The following PNLDC1 variants were observed in gnomAD, a reference collection of about 807,000 sequenced individuals.
PNLDC1 encodes PARN like ribonuclease domain containing exonuclease 1.
In PNLDC1, 70 loss-of-function variants were observed where a neutral mutation model predicts 82.0. The ratio of observed to expected loss-of-function variants is 0.85; its 90% CI spans 0.70 to 1.04. The LOEUF is 1.04. Among genes scored for constraint, PNLDC1 ranks in the 50% least tolerant of loss-of-function variants. PNLDC1 has a pLI of 0.00. For missense variants in PNLDC1, 631 were observed against 661.1 expected (o/e 0.95, Z 0.50); for synonymous variants, 280 against 249.3 (o/e 1.12, Z -1.16).
chr6:159,813,723 C>T, intron 12 of PNLDC1, 67 bp downstream of exon 12: 1 of 1,433,714 alleles, frequency 7.0e-7, no homozygotes, highest in South Asian at 1.1e-5. Flanking sequence ...CTCCGCAGGC[C>T]TTTGGGCTCT....
At position 159,810,997 on chromosome 6, in the gene PNLDC1, C is replaced by T. The variant is rs111907888; in HGVS notation, c.854-704C>T. The stretch of plus-strand genomic sequence containing the variant: ...CCACCACAGAGCCTTTTGTGAATGA[C>T]GCGCGTGGGGCGATACGGGCATGTG... On this transcript the variant is annotated intron_variant, in intron 10 of 18. Transcript: ENST00000392167. 7.2e-5 allele frequency among the ~76,000 whole-genome samples: 11 copies of T among 152,228 alleles called. No individual in the cohort carries two copies. The East Asian group carries it at 1.2e-3, about 16-fold the overall frequency.
chr6:159,813,052 CAG>C (rs1365016318), intron 11 of PNLDC1, among the ~76,000 whole-genome samples: 13 of 152,062 alleles, frequency 8.5e-5, no homozygotes, highest in Admixed American at 1.3e-4. Flanking sequence ...AACTGAAGAA[CAG>C]AGAAGGGGGC....
intron 12 of PNLDC1, among the ~76,000 whole-genome samples, chr6:159,814,773 C>T (rs932412138): frequency 6.6e-6 from 1 of 152,150 alleles, no homozygotes; most frequent in African/African-American, 2.4e-5. Flanking sequence ...CTCTGTGCCT[C>T]AGTTTAACTA....
At chr6:159,808,229 C>T (rs529522368) in intron 7 of PNLDC1, among the ~76,000 whole-genome samples, 1 of 152,272 alleles carries the variant, frequency 6.6e-6, no homozygotes, top group South Asian at 2.1e-4. Flanking sequence ...GCTGGATTTT[C>T]TTATGTTTCA....
At chr6:159,805,250 T>G (rs1334160978) in intron 6 of PNLDC1, among the ~76,000 whole-genome samples, 1 of 152,142 alleles carries the variant, frequency 6.6e-6, no homozygotes, top group Non-Finnish European at 1.5e-5. Flanking sequence ...AACAGCATTG[T>G]GGGTAGACGG....
rs1019206853 is a variant in PNLDC1, at chr6:159,805,980, C to T, written c.462-3C>T. 34 of 1,613,184 alleles carry T rather than the reference C, an allele frequency of 2.1e-5. No homozygotes were observed. Among genetic ancestry groups the T allele is most frequent in the Non-Finnish European group, 4.2e-6 (5 of 1,179,214 alleles). Reference sequence around the variant, plus strand: ...ATGTTCACTTTCATGCGCCCATTTTCAGCTCTCCGGATAAAGACCAAATCA... The same window carrying T: ...ATGTTCACTTTCATGCGCCCATTTTTAGCTCTCCGGATAAAGACCAAATCA... On this transcript the variant is annotated splice_region_variant and splice_polypyrimidine_tract_variant and intron_variant, in intron 6 of 18. Coordinates refer to ENST00000392167, the MANE Select transcript of PNLDC1 (RefSeq NM_001271862.2).
Position 159,818,655 on chromosome 6 carries a change from G to GT in PNLDC1, c.1257+2dup, listed in dbSNP as rs1185000604. The GT allele has an allele frequency of 6.2e-7, 1 of 1,612,132 alleles. No homozygotes were observed. Among genetic ancestry groups the GT allele is most frequent in the African/African-American group, 1.3e-5 (1 of 74,862 alleles). Reference sequence around the variant, plus strand: ...CATCCGAGCGGGGGTCCCAAAGATCGTGAGTAGATCTCATTTGGCCCCCTC... The same window carrying GT: ...CATCCGAGCGGGGGTCCCAAAGATCGTTGAGTAGATCTCATTTGGCCCCCTC... On this transcript the variant is annotated splice_donor_variant, in intron 16 of 18. Transcript: ENST00000392167. LOFTEE classifies it high-confidence loss of function.
chr6:159,803,193 T>G (rs1781325083), intron 3 of PNLDC1, 78 bp from the exon 4 acceptor site: 1 of 1,374,462 alleles, frequency 7.3e-7, no homozygotes, highest in Non-Finnish European at 1.0e-6. Flanking sequence ...AAAGTACTGT[T>G]TGAGTTGTTT....
intron 6 of PNLDC1, among the ~76,000 whole-genome samples, chr6:159,805,426 T>C (rs747428432): frequency 4.6e-5 from 7 of 152,256 alleles, no homozygotes; most frequent in Non-Finnish European, 8.8e-5. Flanking sequence ...TCTGTTATGT[T>C]GGAGGAATTT....
upstream of PNLDC1, chr6:159,800,116 G>A (rs1452210830): frequency 1.5e-5 from 8 of 529,348 alleles, no homozygotes; most frequent in Admixed American, 1.6e-4. Flanking sequence ...GTAGCAAATC[G>A]TACAATTAAA....
At position 159,800,752 on chromosome 6, in the gene PNLDC1, A is replaced by AT; in HGVS notation, c.77-14dup. On this transcript the variant is annotated intron_variant, in intron 1 of 18. Transcript: ENST00000392167. ...CGATGTTCTGCACCCGAGGACTGCT[A>AT]TTTTTTGCCTTCCTGGCAGGTCTGG... The AT allele has an allele frequency of 6.2e-7, 1 of 1,614,038 alleles. No individual in the cohort carries two copies. Among genetic ancestry groups the AT allele is most frequent in the Non-Finnish European group, 8.5e-7 (1 of 1,180,010 alleles).
intron 3 of PNLDC1, 81 bp from the exon 4 acceptor site, chr6:159,803,190 T>C (rs1781324896): frequency 2.2e-6 from 3 of 1,341,048 alleles, no homozygotes; most frequent in Admixed American, 1.7e-5. Flanking sequence ...CGCAAAGTAC[T>C]GTTTGAGTTG....
chr6:159,812,876 A>G (rs560225379), intron 11 of PNLDC1, among the ~76,000 whole-genome samples: 101 of 152,238 alleles, frequency 6.6e-4, no homozygotes, highest in African/African-American at 2.4e-3. Context: ...TACAAAAATT[A>G]CCTGGGCATG....
chr6:159,816,551 A>T lies in PNLDC1; in HGVS notation c.1069A>T (p.Lys357Ter), dbSNP rs748114012. 1.2e-4 allele frequency: 192 copies of T among 1,613,668 alleles called. No individual in the cohort carries two copies. The highest frequency in any genetic ancestry group is 1.6e-4 in the Non-Finnish European group (190 of 1,179,936). Residue 357 changes from lysine (K) to a stop codon, truncating the protein, a stop_gained, in exon 14 of 19, where the codon AAG becomes TAG. Transcript: ENST00000392167. LOFTEE classifies it high-confidence loss of function. ...GGTGGAAAATGCCTCAGTTGAGACA[A>T]AGTGCCCCCACGAAGCCGCGTATGA... ...ASRCEKYVETKCPHEAAYDAF... is the reference protein window; with the variant it reads ...ASRCEKYVET
At chr6:159,820,112 C>T (rs768120698) in intron 18 of PNLDC1, among the ~76,000 whole-genome samples, 1 of 152,106 alleles carries the variant, frequency 6.6e-6, no homozygotes, top group African/African-American at 2.4e-5. Context: ...GGATCAAGTA[C>T]GAATCCAGGG....
At chr6:159,807,398 G>GAA (rs34179367) in intron 7 of PNLDC1, among the ~76,000 whole-genome samples, 17 of 148,130 alleles carry the variant, frequency 1.1e-4, no homozygotes, top group Admixed American at 2.0e-4. Flanking sequence ...TGTTTCAAAG[G>GAA]AAAAAAAAAA....
chr6:159,806,147 G>A, intron 7 of PNLDC1, 64 bp downstream of exon 7: 1 of 1,284,328 alleles, frequency 7.8e-7, no homozygotes. Flanking sequence ...CCTGCCAGGA[G>A]TTGGGGGAAA....
At chr6:159,801,919 G>A (rs1006550760) in intron 3 of PNLDC1, among the ~76,000 whole-genome samples, 2 of 151,782 alleles carry the variant, frequency 1.3e-5, no homozygotes, top group Admixed American at 1.3e-4. Context: ...ATGGAGTCTC[G>A]CTCTGTTGCC....
At chr6:159,809,818 A>G (rs898933790) in intron 9 of PNLDC1, among the ~76,000 whole-genome samples, 2 of 152,018 alleles carry the variant, frequency 1.3e-5, no homozygotes, top group African/African-American at 2.4e-5. Flanking sequence ...CGTGCCTCCT[A>G]CTTGTGAATT....
Sources: gnomAD v4.1 joint callset for allele counts (sites outside exome capture counted in the v4.1 genomes callset) on GRCh38, gnomAD v4.1.1 for gene constraint, MANE v1.5 for transcripts, NCBI Gene and HGNC (gene_info 2026-07-23, HGNC 2026-07-21) for gene names.